The following EYS variants were observed in gnomAD, a reference collection of about 807,000 sequenced individuals.
EYS encodes protein eyes shut homolog.
EYS carries 250 observed loss-of-function variants against 282.1 expected under a neutral mutation model. The observed-to-expected ratio is 0.89, with a 90% CI of 0.80 to 0.98. The LOEUF is 0.98. Ranked by LOEUF, EYS falls within the 50% of genes least tolerant of loss-of-function variation. The probability of loss-of-function intolerance (pLI) is 0.00; values close to 1 mark genes in which losing one functional copy is unlikely to be tolerated. For missense variants in EYS, 4,016 were observed against 3,709.0 expected, an observed-to-expected ratio of 1.08 and a Z score of -2.15; for synonymous variants, 1,355 against 1,282.9, an observed-to-expected ratio of 1.06 and a Z score of -1.20.
Position 64,471,278 on chromosome 6 carries a change from A to T in EYS, c.5645-31926T>A, listed in dbSNP as rs560269880. 5.3e-5 allele frequency among the ~76,000 whole-genome samples: 8 copies of T among 152,300 alleles called. No individual in the cohort carries two copies. In the East Asian group the frequency reaches 1.5e-3, roughly 29 times the overall value. ...CAAGAACGAAAAATAAAAGCCATCA[A>T]GATTAGAAAAGAGGAAGTCAAATTG... is the stretch of plus-strand genomic sequence containing the variant. On this transcript the variant is annotated intron_variant, in intron 26 of 42. Coordinates refer to ENST00000503581, the MANE Select transcript of EYS (RefSeq NM_001142800.2).
At chr6:65,084,994 A>T (rs764434971) in intron 12 of EYS, among the ~76,000 whole-genome samples, 1 of 152,122 alleles carries the variant, frequency 6.6e-6, no homozygotes, top group Non-Finnish European at 1.5e-5. Flanking sequence ...CACTGATTGA[A>T]TTGTTAGAAT....
chr6:65,682,535 A>G (rs987612084), intron 1 of EYS, among the ~76,000 whole-genome samples: 13 of 151,974 alleles, frequency 8.6e-5, no homozygotes, highest in Non-Finnish European at 1.5e-4. Context: ...CTTGAAATAC[A>G]AATATTTTTA....
chr6:64,741,266 T>A (rs1479926930), intron 22 of EYS, among the ~76,000 whole-genome samples: 1 of 152,122 alleles, frequency 6.6e-6, no homozygotes, highest in Non-Finnish European at 1.5e-5. Context: ...ACCAGGCCCC[T>A]CGTCAATAAT....
At chr6:65,659,345 A>T (rs1238371032) in intron 1 of EYS, among the ~76,000 whole-genome samples, 1 of 151,754 alleles carries the variant, frequency 6.6e-6, no homozygotes, top group Non-Finnish European at 1.5e-5. Flanking sequence ...ACAGAACTGC[A>T]TGACACTCAC....
intron 19 of EYS, among the ~76,000 whole-genome samples, chr6:64,847,444 TTAATAA>T (rs1306846389): frequency 6.6e-6 from 1 of 152,118 alleles, no homozygotes; most frequent in African/African-American, 2.4e-5. Flanking sequence ...TCTTAAGTAG[TTAATAA>T]TAATTATTTT....
chr6:65,265,034 C>A (rs1443099388), intron 12 of EYS, among the ~76,000 whole-genome samples: 1 of 151,800 alleles, frequency 6.6e-6, no homozygotes, highest in East Asian at 1.9e-4. Flanking sequence ...ACATAAGTAG[C>A]CTACTCCATA....
chr6:63,991,840 A>C (rs979715875), intron 34 of EYS, among the ~76,000 whole-genome samples: 1 of 151,750 alleles, frequency 6.6e-6, no homozygotes, highest in African/African-American at 2.4e-5. Context: ...AGATGCACAA[A>C]AAAGGCAACT....
chr6:65,206,767 C>T lies in EYS; in HGVS notation c.2023+89096G>A, dbSNP rs200497728. The stretch of plus-strand genomic sequence containing the variant: ...TCCACCACATACACCAAATTAAAAA[C>T]GAAAACCATTTGATTGTCTTAATAG... On this transcript the variant is annotated intron_variant, in intron 12 of 42. Coordinates refer to ENST00000503581, the MANE Select transcript of EYS (RefSeq NM_001142800.2). Among the ~76,000 whole-genome samples the T allele has an allele frequency of 9.9e-5, 15 of 151,842 alleles. No individual in the cohort carries two copies. The East Asian group carries it at 1.2e-3, about 12-fold the overall frequency.
At chr6:64,001,176 T>C (rs1768079161) in intron 33 of EYS, among the ~76,000 whole-genome samples, 1 of 152,358 alleles carries the variant, frequency 6.6e-6, no homozygotes, top group Admixed American at 6.5e-5. Context: ...GAAGTGTGAT[T>C]ATGTACAGAA....
At chr6:64,651,607 C>T (rs1257678520) in intron 22 of EYS, among the ~76,000 whole-genome samples, 2 of 152,134 alleles carry the variant, frequency 1.3e-5, no homozygotes, top group East Asian at 1.9e-4. Flanking sequence ...CGCTTGAACC[C>T]GGGAGGCAGA....
chr6:64,326,093 G>C (rs1770410186), intron 29 of EYS, among the ~76,000 whole-genome samples: 2 of 152,128 alleles, frequency 1.3e-5, no homozygotes, highest in South Asian at 4.1e-4. Context: ...TCATTGCCTA[G>C]GCATATTGTC....
At chr6:64,373,654 C>T (rs545766166) in intron 29 of EYS, among the ~76,000 whole-genome samples, 74 of 152,218 alleles carry the variant, frequency 4.9e-4, no homozygotes, top group Middle Eastern at 3.4e-3. Flanking sequence ...AGAAGTAGGA[C>T]GGCTGAGCCA....
At chr6:64,240,719 T>A (rs1454603191) in intron 30 of EYS, among the ~76,000 whole-genome samples, 1 of 152,132 alleles carries the variant, frequency 6.6e-6, no homozygotes, top group Non-Finnish European at 1.5e-5. Context: ...TGGCTTCCTC[T>A]TTTCCTGATT....
chr6:65,417,949 G>A (rs531970036), intron 5 of EYS, among the ~76,000 whole-genome samples: 1 of 152,012 alleles, frequency 6.6e-6, no homozygotes, highest in South Asian at 2.1e-4. Flanking sequence ...GGAGCAAATA[G>A]ATATGGCCCC....
intron 11 of EYS, among the ~76,000 whole-genome samples, chr6:65,315,112 C>T (rs1239038938): frequency 6.6e-6 from 1 of 152,052 alleles, no homozygotes; most frequent in Non-Finnish European, 1.5e-5. Flanking sequence ...TCATACTTAA[C>T]TGAAAATCAC....
At chr6:65,430,725 G>C (rs1767851888) in intron 5 of EYS, among the ~76,000 whole-genome samples, 1 of 152,178 alleles carries the variant, frequency 6.6e-6, no homozygotes. Flanking sequence ...TCAGAGTCAT[G>C]AGGCCCCTGT....
chr6:64,344,251 C>A (rs1771271072), intron 29 of EYS, among the ~76,000 whole-genome samples: 1 of 151,842 alleles, frequency 6.6e-6, no homozygotes, highest in South Asian at 2.1e-4. Context: ...AGAGACACAA[C>A]CAAAAAAGAG....
chr6:64,743,420 T>C (rs1772441433), intron 22 of EYS, among the ~76,000 whole-genome samples: 2 of 152,144 alleles, frequency 1.3e-5, no homozygotes, highest in South Asian at 2.1e-4. Flanking sequence ...AACTTCCATA[T>C]AAATTTTATT....
chr6:64,067,220 T>C (rs1771404324), intron 32 of EYS, among the ~76,000 whole-genome samples: 1 of 152,146 alleles, frequency 6.6e-6, no homozygotes, highest in African/African-American at 2.4e-5. Context: ...CCCATGGATC[T>C]CTCTTTTTAA....
Sources: gnomAD v4.1 joint callset for allele counts (sites outside exome capture counted in the v4.1 genomes callset) on GRCh38, gnomAD v4.1.1 for gene constraint, MANE v1.5 for transcripts, NCBI Gene and HGNC (gene_info 2026-07-23, HGNC 2026-07-21) for gene names.